Variants in SRRM4 observed in about 807,000 individuals in gnomAD.
SRRM4 encodes serine/arginine repetitive matrix protein 4.
Under a neutral mutation model 68.9 loss-of-function variants are expected in SRRM4, and 33 were observed. The ratio of observed to expected loss-of-function variants is 0.48; its 90% CI spans 0.36 to 0.64. The LOEUF is 0.64. Ranked by LOEUF, SRRM4 falls within the 30% of genes least tolerant of loss-of-function variation. The pLI is 0.00. For missense variants in SRRM4, 817 were observed against 827.1 expected, an observed-to-expected ratio of 0.99 and a Z score of 0.15; for synonymous variants, 318 against 318.8, an observed-to-expected ratio of 1.00 and a Z score of 0.03.
chr12:119,130,685 G>A lies in SRRM4; in HGVS notation c.622G>A (p.Gly208Ser), dbSNP rs757967066. The change falls in exon 8 of 13, where the codon GGC (glycine) becomes AGC (serine). Residue 208 changes from glycine to serine, a missense_variant. By Grantham distance (56) the Gly-to-Ser change is moderately conservative. Transcript: ENST00000267260. Reference sequence around the variant, plus strand: ...TCTCTCCCCCATCCCCAGGCACCGCGGCCGGTCCCCTGAGGAAGGGCAGAA... The same window carrying A: ...TCTCTCCCCCATCCCCAGGCACCGCAGCCGGTCCCCTGAGGAAGGGCAGAA... ...RPSSCESRHR[G>S]RSPEEGQKSR... The A allele has an allele frequency of 6.6e-5, 106 of 1,610,346 alleles. No individual in the cohort carries two copies. Among genetic ancestry groups the A allele is most frequent in the Middle Eastern group, 3.3e-4 (2 of 6,054 alleles).
intron 1 of SRRM4, among the ~76,000 whole-genome samples, chr12:119,055,689 A>C (rs1953771970): frequency 6.6e-6 from 1 of 152,244 alleles, no homozygotes; most frequent in African/African-American, 2.4e-5. Context: ...AGAGAATAAC[A>C]CAGGACAGTT....
chr12:119,099,730 G>A (rs1355525264), intron 1 of SRRM4, among the ~76,000 whole-genome samples: 1 of 152,172 alleles, frequency 6.6e-6, no homozygotes, highest in East Asian at 1.9e-4. Context: ...CTCTTCCAAG[G>A]TGGCTCACTC....
intron 12 of SRRM4, among the ~76,000 whole-genome samples, chr12:119,155,182 A>C (rs1297010202): frequency 6.6e-6 from 1 of 152,252 alleles, no homozygotes; most frequent in Non-Finnish European, 1.5e-5. Context: ...CGTTCCTGGA[A>C]CAGGTAAGGC....
At position 119,130,713 on chromosome 12, in the gene SRRM4, C is replaced by G; in HGVS notation, c.650C>G (p.Ser217Cys). ...RGRSPEEGQKSRRRHSRRCSK... is the reference protein window; with the variant it reads ...RGRSPEEGQKCRRRHSRRCSK... ...CGGTCCCCTGAGGAAGGGCAGAAGT[C>G]CCGCCGAAGGCACTCCCGCCGCTGC... Residue 217 changes from serine (S) to cysteine (C), a missense_variant, in exon 8 of 13, where the codon TCC (serine) becomes TGC (cysteine). Physicochemically the swap from Ser to Cys is moderately radical, Grantham distance 112. Coordinates refer to ENST00000267260, the MANE Select transcript of SRRM4 (RefSeq NM_194286.4). The G allele has an allele frequency of 6.2e-7, 1 of 1,610,886 alleles. No homozygotes were observed.
At chr12:119,105,570 G>A (rs1478633866) in intron 2 of SRRM4, among the ~76,000 whole-genome samples, 3 of 152,164 alleles carry the variant, frequency 2.0e-5, no homozygotes, top group South Asian at 4.1e-4. Flanking sequence ...CTGATGGCCC[G>A]TGATGATGAG....
At chr12:119,085,801 G>A (rs1953976408) in intron 1 of SRRM4, among the ~76,000 whole-genome samples, 1 of 152,178 alleles carries the variant, frequency 6.6e-6, no homozygotes, top group Non-Finnish European at 1.5e-5. Flanking sequence ...CCAGGAGGTG[G>A]CAATGGAGAT....
chr12:119,115,071 A>T (rs1954170068), intron 3 of SRRM4, among the ~76,000 whole-genome samples: 1 of 151,692 alleles, frequency 6.6e-6, no homozygotes, highest in African/African-American at 2.4e-5. Flanking sequence ...ATCCCTGACC[A>T]TTGTCTACCA....
intron 12 of SRRM4, 75 bp from the exon 13 acceptor site, chr12:119,156,420 G>A (rs1415568120): frequency 2.2e-5 from 33 of 1,485,552 alleles, no homozygotes; most frequent in Non-Finnish European, 2.9e-5. Flanking sequence ...GGTTTCCCTT[G>A]GGACAAGACT....
intron 3 of SRRM4, among the ~76,000 whole-genome samples, chr12:119,116,719 A>T (rs1954182324): frequency 6.6e-6 from 1 of 152,248 alleles, no homozygotes; most frequent in Admixed American, 6.5e-5. Flanking sequence ...GGTTTACATT[A>T]ACTTGTTAAA....
intron 1 of SRRM4, among the ~76,000 whole-genome samples, chr12:119,059,738 T>C (rs1953799107): frequency 6.6e-6 from 1 of 152,198 alleles, no homozygotes. Context: ...CCATATCTCA[T>C]GTCGCTGCTA....
At chr12:119,130,640 CT>C (rs770239707) in intron 7 of SRRM4, 37 bp from the exon 8 acceptor site, 119 of 1,589,124 alleles carry the variant, frequency 7.5e-5, no homozygotes, top group Non-Finnish European at 1.0e-4. Flanking sequence ...CCATGCTCCC[CT>C]TCAAAAGACC....
At position 119,160,904 on chromosome 12, in the gene SRRM4, T is replaced by G. The variant is rs182718302; in HGVS notation, c.*4106T>G. The G allele has an allele frequency of 6.6e-6, 1 of 152,242 alleles. No homozygotes were observed. The highest frequency in any genetic ancestry group is 1.5e-5 in the Non-Finnish European group (1 of 68,042). 9.4% of individuals were successfully genotyped at this position (152,242 alleles called of 1,614,324 possible). A position where few individuals can be genotyped will look rare whatever the true frequency, so the allele number is the denominator to read the frequency against. ...AAGCCCCCTATTAGTAACATTCTGG[T>G]TCACTGAGGTTTGATCATATTCCTA... On this transcript the variant is annotated 3_prime_UTR_variant, in exon 13 of 13. Coordinates refer to ENST00000267260, the MANE Select transcript of SRRM4 (RefSeq NM_194286.4).
intron 1 of SRRM4, among the ~76,000 whole-genome samples, chr12:119,081,667 T>C (rs897978380): frequency 6.6e-6 from 1 of 152,208 alleles, no homozygotes; most frequent in African/African-American, 2.4e-5. Flanking sequence ...GGGAACAGGA[T>C]GCAGGAAGGC....
chr12:119,153,076 T>C (rs11064685), intron 10 of SRRM4, among the ~76,000 whole-genome samples: 12,323 of 152,258 alleles, frequency 0.081, 648 homozygotes, highest in East Asian at 0.22. Context: ...GAGGATTAAA[T>C]AATACACACA....
chr12:119,129,885 A>ATGGG (rs2136057214), intron 7 of SRRM4, among the ~76,000 whole-genome samples: 1 of 149,628 alleles, frequency 6.7e-6, no homozygotes, highest in Admixed American at 6.6e-5. Flanking sequence ...GGATGGATGG[A>ATGGG]TGGATGGATG....
chr12:119,114,228 G>C, intron 2 of SRRM4, 50 bp from the exon 3 acceptor site: 1 of 1,526,796 alleles, frequency 6.5e-7, no homozygotes, highest in Non-Finnish European at 9.0e-7. Flanking sequence ...TCTGGTTGGG[G>C]AGTTGGGGAA....
At chr12:118,986,421 G>C (rs1291460012) in intron 1 of SRRM4, among the ~76,000 whole-genome samples, 1 of 152,196 alleles carries the variant, frequency 6.6e-6, no homozygotes, top group Non-Finnish European at 1.5e-5. Flanking sequence ...ACATTCTGCT[G>C]TGTTCACCCG....
At position 119,130,716 on chromosome 12, in the gene SRRM4, G is replaced by A. The variant is rs376151397; in HGVS notation, c.653G>A (p.Arg218His). 27 of 1,610,406 alleles carry A rather than the reference G, an allele frequency of 1.7e-5. No homozygotes were observed. The highest frequency in any genetic ancestry group is 4.0e-5 in the African/African-American group (3 of 74,878). The change falls in exon 8 of 13, where the codon CGC (arginine) becomes CAC (histidine). Residue 218 changes from arginine (R) to histidine (H), a missense_variant. Physicochemically the swap from Arg to His is conservative, Grantham distance 29 (BLOSUM62 0). Transcript: ENST00000267260. ...TCCCCTGAGGAAGGGCAGAAGTCCC[G>A]CCGAAGGCACTCCCGCCGCTGCTCC... ...GRSPEEGQKS[R>H]RRHSRRCSKT...
chr12:119,075,605 ATGATGGTGG>A (rs1384245474), intron 1 of SRRM4, among the ~76,000 whole-genome samples: 1 of 150,724 alleles, frequency 6.6e-6, no homozygotes, highest in African/African-American at 2.4e-5. Context: ...GATGATGTTG[ATGATGGTGG>A]TGATGGTGAT....
Sources: allele counts gnomAD v4.1 joint callset (sites outside exome capture counted in the v4.1 genomes callset), GRCh38; gene constraint gnomAD v4.1.1; transcripts MANE v1.5; gene names NCBI Gene and HGNC (gene_info 2026-07-23, HGNC 2026-07-21).